The following FBLN2 variants were observed in gnomAD, a reference collection of about 807,000 sequenced individuals.
The protein encoded by FBLN2 is fibulin 2, also known as fibulin-2.
In FBLN2, 81 loss-of-function variants were observed where a neutral mutation model predicts 123.7. The observed-to-expected ratio is 0.65, with a 90% CI of 0.55 to 0.79. The LOEUF (loss-of-function observed/expected upper bound fraction) is 0.79, where lower values mean the gene tolerates loss of function less well. Among genes scored for constraint, FBLN2 ranks in the 30% least tolerant of loss-of-function variants. The pLI, the probability that FBLN2 is intolerant of heterozygous loss-of-function variation, is 0.00. For synonymous variants in FBLN2, 699 were observed against 701.4 expected, an observed-to-expected ratio of 1.00 and a Z score of 0.05; for missense variants, 1,603 against 1,681.3, an observed-to-expected ratio of 0.95 and a Z score of 0.81.
chr3:13,636,328 C>G, intron 16 of FBLN2, 117 bp from the exon 17 acceptor site: 1 of 1,270,790 alleles, frequency 7.9e-7, no homozygotes, highest in Non-Finnish European at 1.1e-6. Flanking sequence ...GGGAGGCACG[C>G]GGGCTATTCT....
chr3:13,614,331 T>G (rs1461903172), intron 5 of FBLN2, among the ~76,000 whole-genome samples, 167 bp downstream of exon 5: 1 of 152,096 alleles, frequency 6.6e-6, no homozygotes, highest in African/African-American at 2.4e-5. Flanking sequence ...GACTACCCAC[T>G]CCACCAACTT....
intron 5 of FBLN2, among the ~76,000 whole-genome samples, chr3:13,617,429 C>G (rs2124891640): frequency 6.6e-6 from 1 of 150,666 alleles, no homozygotes; most frequent in South Asian, 2.1e-4. Flanking sequence ...CATTCATCTA[C>G]CCATCCATCT....
chr3:13,549,716 TCACA>T (rs1703272064), intron 1 of FBLN2, among the ~76,000 whole-genome samples: 1 of 149,054 alleles, frequency 6.7e-6, no homozygotes, highest in Non-Finnish European at 1.5e-5. Flanking sequence ...ACACACGCAC[TCACA>T]CAAGCAGAAG....
intron 13 of FBLN2, 83 bp downstream of exon 13, chr3:13,629,375 C>A: frequency 6.8e-7 from 1 of 1,468,052 alleles, no homozygotes. Context: ...CCATGCCCAG[C>A]ACCTCCACTG....
chr3:13,549,189 G>A lies in FBLN2; in HGVS notation c.-61G>A. The A allele has an allele frequency of 3.1e-6, 3 of 983,314 alleles. No homozygotes were observed. The highest frequency in any genetic ancestry group is 3.6e-6 in the Non-Finnish European group (3 of 829,156). 60.9% of individuals were successfully genotyped at this position (983,314 alleles called of 1,614,324 possible). On this transcript the variant is annotated 5_prime_UTR_variant, in exon 1 of 18. Transcript: ENST00000404922. ...CGGCCGGGCGGACGGACGGACGGAC[G>A]CCGAGCGCAGTGCCCCGCGGTGAGT...
intron 16 of FBLN2, among the ~76,000 whole-genome samples, chr3:13,631,807 C>T (rs753539128): frequency 6.6e-6 from 1 of 152,112 alleles, no homozygotes; most frequent in Non-Finnish European, 1.5e-5. Context: ...GGCAGTGTCC[C>T]GAGTCTCTGC....
At position 13,630,751 on chromosome 3, in the gene FBLN2, T is replaced by A; in HGVS notation, c.3021T>A (p.Tyr1007Ter). 1 of 1,610,508 alleles carries A rather than the reference T, an allele frequency of 6.2e-7. No homozygotes were observed. Among genetic ancestry groups the A allele is most frequent in the East Asian group, 2.2e-5 (1 of 44,810 alleles). The change falls in exon 15 of 18, where the codon TAT becomes TAA. Residue 1007 changes from tyrosine to a stop codon, truncating the protein, a stop_gained. Coordinates refer to ENST00000404922, the MANE Select transcript of FBLN2 (RefSeq NM_001004019.2). LOFTEE classifies it high-confidence loss of function. ...GCAGCCAGGAGTGTGCCAACATCTA[T>A]GGCTCCTACCAGTGCTACTGCCGCC... is the stretch of plus-strand genomic sequence containing the variant. ...QRCSQECANI[Y>*]GSYQCYCRQG...
chr3:13,558,601 C>T (rs961208765), intron 1 of FBLN2, among the ~76,000 whole-genome samples: 6 of 152,064 alleles, frequency 3.9e-5, no homozygotes, highest in South Asian at 2.1e-4. Context: ...GCCCTGTGCT[C>T]GGGCCATACG....
chr3:13,630,609 C>T, intron 14 of FBLN2, 90 bp from the exon 15 acceptor site: 2 of 1,083,848 alleles, frequency 1.8e-6, no homozygotes, highest in Non-Finnish European at 2.7e-6. Context: ...GGCCGGGGAG[C>T]TTGGTGGGCC....
Position 13,626,497 on chromosome 3 carries a change from T to C in FBLN2, c.2349T>C (p.Cys783=), listed in dbSNP as rs1428664826. The change falls in exon 10 of 18, where the codon TGT becomes TGC. Residue 783 remains cysteine (C), a synonymous_variant. Coordinates refer to ENST00000404922, the MANE Select transcript of FBLN2 (RefSeq NM_001004019.2). Reference sequence around the variant, plus strand: ...ACACGTGCAGCCGGGGCGAGCACTGTGTGAACACACTGGGCTCCTTCCACT... The same window carrying C: ...ACACGTGCAGCCGGGGCGAGCACTGCGTGAACACACTGGGCTCCTTCCACT... ...DLHTCSRGEH[C]VNTLGSFHCY... The C allele has an allele frequency of 6.4e-7, 1 of 1,574,490 alleles. No homozygotes were observed. Among genetic ancestry groups the C allele is most frequent in the Admixed American group, 1.8e-5 (1 of 54,548 alleles).
At chr3:13,629,097 C>T in intron 12 of FBLN2, 49 bp downstream of exon 12, 1 of 1,612,854 alleles carries the variant, frequency 6.2e-7, no homozygotes, top group Non-Finnish European at 8.5e-7. Context: ...CTGCCCGCTT[C>T]CCCACCCCTG....
intron 4 of FBLN2, among the ~76,000 whole-genome samples, chr3:13,612,324 T>TTTCTTTCTTTCTTTCC: frequency 6.8e-6 from 1 of 146,530 alleles, no homozygotes; most frequent in African/African-American, 2.6e-5. Context: ...TCTTTCTTTC[T>TTTCTTTCTTTCTTTCC]TTCTTTCTTT....
rs1703674438 is a variant in FBLN2, at chr3:13,563,919, G to T, written c.-41-6396G>T. ...TCCAGGCCTCTCTCCTCCTGGTGTG[G>T]ACAAGAGACGCTCAGGCCTTGGAGT... On this transcript the variant is annotated intron_variant, in intron 1 of 17. Transcript: ENST00000404922. Among the ~76,000 whole-genome samples the T allele has an allele frequency of 2.0e-5, 3 of 152,308 alleles. No individual in the cohort carries two copies. The South Asian group carries it at 6.2e-4, about 32-fold the overall frequency.
intron 2 of FBLN2, among the ~76,000 whole-genome samples, chr3:13,582,530 T>C (rs1188830038): frequency 1.3e-5 from 2 of 152,136 alleles, no homozygotes; most frequent in Non-Finnish European, 2.9e-5. Context: ...TCCACCCCCT[T>C]GTCCACTCCT....
intron 2 of FBLN2, among the ~76,000 whole-genome samples, chr3:13,592,930 T>C (rs1303325467): frequency 6.6e-6 from 1 of 152,156 alleles, no homozygotes; most frequent in Non-Finnish European, 1.5e-5. Context: ...AGCTGGGAGA[T>C]AGCTGGTCTG....
At chr3:13,618,366 T>C in intron 6 of FBLN2, 81 bp downstream of exon 6, 1 of 1,313,328 alleles carries the variant, frequency 7.6e-7, no homozygotes, top group Non-Finnish European at 1.1e-6. Flanking sequence ...GGGTGCACAC[T>C]GTGGGGTCCT....
intron 16 of FBLN2, among the ~76,000 whole-genome samples, chr3:13,634,883 C>T (rs1466523235): frequency 1.3e-5 from 2 of 152,218 alleles, no homozygotes; most frequent in African/African-American, 4.8e-5. Flanking sequence ...GTGGGGTTGG[C>T]GTGGGTGCAG....
In FBLN2 at chr3:13,621,261, G is replaced by A. The variant is rs1044114941; in HGVS notation, c.2156-514G>A. Among the ~76,000 whole-genome samples, 5 of 152,372 alleles carry A rather than the reference G, an allele frequency of 3.3e-5. No individual in the cohort carries two copies. In the South Asian group the frequency reaches 1.0e-3, roughly 32 times the overall value. ...TAATCAAGTGAGTTCCAAACGTGTT[G>A]AGCACAAGAATGATTAAAACACTTC... On this transcript the variant is annotated intron_variant, in intron 8 of 17. Transcript: ENST00000404922.
intron 1 of FBLN2, among the ~76,000 whole-genome samples, chr3:13,567,121 G>A (rs1703770812): frequency 6.6e-6 from 1 of 152,212 alleles, no homozygotes; most frequent in Admixed American, 6.5e-5. Context: ...GGGGGCCTGG[G>A]GGGCCAAGGG....
Sources: allele counts gnomAD v4.1 joint callset (sites outside exome capture counted in the v4.1 genomes callset), GRCh38; gene constraint gnomAD v4.1.1; transcripts MANE v1.5; gene names NCBI Gene and HGNC (gene_info 2026-07-23, HGNC 2026-07-21).